The following ABCA7 variants were observed in gnomAD, a reference collection of about 807,000 sequenced individuals.
ABCA7 encodes phospholipid-transporting ATPase ABCA7.
In ABCA7, 261 loss-of-function variants were observed where a neutral mutation model predicts 227.6. The ratio of observed to expected loss-of-function variants is 1.15; its 90% confidence interval spans 1.04 to 1.27. The LOEUF is 1.27. Ranked by LOEUF, ABCA7 falls within the 50% of genes most tolerant of loss-of-function variation. The probability of loss-of-function intolerance (pLI) is 0.00; values close to 1 mark genes in which losing one functional copy is unlikely to be tolerated. For synonymous variants in ABCA7, 1,488 were observed against 1,279.7 expected, an observed-to-expected ratio of 1.16 and a Z score of -3.47; for missense variants, 3,331 against 2,924.5, an observed-to-expected ratio of 1.14 and a Z score of -3.21.
Position 1,046,814 on chromosome 19 carries a change from G to A in ABCA7, c.1635G>A (p.Val545=). 1 of 1,538,082 alleles carries A rather than the reference G, an allele frequency of 6.5e-7. No homozygotes were observed. Among genetic ancestry groups the A allele is most frequent in the Non-Finnish European group, 8.7e-7 (1 of 1,146,998 alleles). The change falls in exon 14 of 47, where the codon GTG becomes GTA. Residue 545 remains valine (V), a synonymous_variant. Coordinates refer to ENST00000263094, the MANE Select transcript of ABCA7 (RefSeq NM_019112.4). ...PCYVDDVFLR[V]LSRSLPLFLT... ...GTCCCCACCCCAGGTTCCTGCGTGT[G>A]CTGAGCCGGTCGCTGCCGCTCTTCC...
At chr19:1,048,496 CA>C (rs1234415864) in intron 16 of ABCA7, among the ~76,000 whole-genome samples, 1 of 21,628 alleles carries the variant, frequency 4.6e-5, no homozygotes, top group African/African-American at 1.9e-4. Flanking sequence ...AACTCAGTCT[CA>C]AAAAAAAAAA....
chr19:1,043,426 C>G lies in ABCA7; in HGVS notation c.883C>G (p.Leu295Val). Residue 295 changes from leucine to valine, a missense_variant, in exon 9 of 47, where the codon CTA becomes GTA. Transcript: ENST00000263094. ...CCTGAAGCCTCTGATCCTCGGGAAGCTACTCTTTGCACCAGATACACCTTT... is the reference window on the plus strand; with the variant it reads ...CCTGAAGCCTCTGATCCTCGGGAAGGTACTCTTTGCACCAGATACACCTTT... Reference protein sequence around the residue: ...RRLKPLILGKLLFAPDTPFTR... With the variant: ...RRLKPLILGKVLFAPDTPFTR... The G allele has an allele frequency of 6.2e-7, 1 of 1,613,438 alleles. No individual in the cohort carries two copies. The highest frequency in any genetic ancestry group is 8.5e-7 in the Non-Finnish European group (1 of 1,180,018).
intron 18 of ABCA7, 91 bp from the exon 19 acceptor site, chr19:1,050,830 A>C: frequency 5.2e-6 from 5 of 967,930 alleles, no homozygotes; most frequent in Non-Finnish European, 6.8e-6. Context: ...AATAATTAAA[A>C]ATTTTTTAAA....
intron 18 of ABCA7, among the ~76,000 whole-genome samples, chr19:1,050,614 C>T (rs901225684): frequency 6.7e-6 from 1 of 149,916 alleles, no homozygotes; most frequent in Non-Finnish European, 1.5e-5. Context: ...CCCGTCTCTA[C>T]TAAAAATGCA....
At chr19:1,050,229 G>T (rs1477237351) in intron 18 of ABCA7, among the ~76,000 whole-genome samples, 1 of 151,372 alleles carries the variant, frequency 6.6e-6, no homozygotes, top group Non-Finnish European at 1.5e-5. Flanking sequence ...TGGCCAATAT[G>T]GCAAAACCAT....
At position 1,063,810 on chromosome 19, in the gene ABCA7, C is replaced by G. The variant is rs759641996; in HGVS notation, c.5898C>G (p.Asn1966Lys). The change falls in exon 44 of 47, where the codon AAC becomes AAG. Residue 1966 changes from asparagine to lysine, a missense_variant. Physicochemically the swap from Asn to Lys is moderately conservative, Grantham distance 94. Transcript: ENST00000263094. ...MDPSARRFLW[N>K]SLLAVVREGR... ...CCAGCGCGCGGCGCTTCCTTTGGAACAGCCTTTTGGCCGTGGTGCGGGAGG... is the reference window on the plus strand; with the variant it reads ...CCAGCGCGCGGCGCTTCCTTTGGAAGAGCCTTTTGGCCGTGGTGCGGGAGG... 38 of 1,545,768 alleles carry G rather than the reference C, an allele frequency of 2.5e-5. No individual in the cohort carries two copies. The highest frequency in any genetic ancestry group is 3.0e-5 in the Non-Finnish European group (34 of 1,145,554).
chr19:1,051,895 A>G (rs1235569932), intron 21 of ABCA7, 47 bp from the exon 22 acceptor site: 2 of 1,593,420 alleles, frequency 1.3e-6, no homozygotes, highest in South Asian at 1.1e-5. Context: ...GCTCGGGCAA[A>G]GACGCGGCGG....
At position 1,058,750 on chromosome 19, in the gene ABCA7, TAGTG is replaced by T; in HGVS notation, c.5279+6_5279+9del. 6.2e-7 allele frequency: 1 copy of T among 1,613,628 alleles called. No individual in the cohort carries two copies. On this transcript the variant is annotated splice_donor_5th_base_variant and intron_variant, in intron 38 of 46. Transcript: ENST00000263094. ...CACCGAAGCCAACTCCTGCCACAGT[TAGTG>T]AGGTCTATGGAGAGGGTGGCAGGGG...
At chr19:1,057,764 A>G in intron 35 of ABCA7, 151 bp from the exon 36 acceptor site, 1 of 1,133,466 alleles carries the variant, frequency 8.8e-7, no homozygotes, top group Non-Finnish European at 1.2e-6. Flanking sequence ...AGAGAGAAAG[A>G]GAAAGAGAGA....
In ABCA7 at chr19:1,054,560, G is replaced by C. The variant is rs1386008924; in HGVS notation, c.3727-10G>C. ...GGATGGAAGCAGCAGCTGATGGGCT[G>C]GTCCCCCAGATCGTGCTGCCTGCCC... is the stretch of plus-strand genomic sequence containing the variant. On this transcript the variant is annotated splice_polypyrimidine_tract_variant and intron_variant, in intron 27 of 46. Coordinates refer to ENST00000263094, the MANE Select transcript of ABCA7 (RefSeq NM_019112.4). The surrounding 1 kb of genome is among the most constrained non-coding windows in gnomAD (Gnocchi z 4.8). The C allele has an allele frequency of 1.9e-6, 3 of 1,606,630 alleles. No individual in the cohort carries two copies. Among genetic ancestry groups the C allele is most frequent in the East Asian group, 2.2e-5 (1 of 44,682 alleles).
chr19:1,053,018 C>T (rs1013710669), intron 23 of ABCA7, among the ~76,000 whole-genome samples: 2 of 152,112 alleles, frequency 1.3e-5, no homozygotes, highest in Non-Finnish European at 2.9e-5. Flanking sequence ...CTCAGCCTCT[C>T]GAGTAACTGG....
At chr19:1,064,772 G>A (rs1011265787) in intron 45 of ABCA7, 159 bp from the exon 46 acceptor site, 2 of 1,235,728 alleles carry the variant, frequency 1.6e-6, no homozygotes, top group South Asian at 1.7e-5. Context: ...TCTCAGCTAC[G>A]CGGGCGGGGG....
At position 1,045,188 on chromosome 19, in the gene ABCA7, A is replaced by G. The variant is rs1229832871; in HGVS notation, c.1402A>G (p.Met468Val). ...GPGHVRIKIRMDIDVVTRTNK... is the reference protein window; with the variant it reads ...GPGHVRIKIRVDIDVVTRTNK... ...CGGCCACGTGCGCATCAAAATCCGC[A>G]TGGACATTGACGTGGTCACGAGGAC... Residue 468 changes from methionine (M) to valine (V), a missense_variant, in exon 12 of 47, where the codon ATG becomes GTG. Coordinates refer to ENST00000263094, the MANE Select transcript of ABCA7 (RefSeq NM_019112.4). 4.7e-6 allele frequency: 7 copies of G among 1,497,672 alleles called. No homozygotes were observed. Among genetic ancestry groups the G allele is most frequent in the Admixed American group, 1.8e-5 (1 of 56,092 alleles). The allele number at this position is 1,497,672 out of a possible 1,614,324, so 92.8% of individuals were successfully genotyped here. A position where few individuals can be genotyped will look rare whatever the true frequency, so the allele number is the denominator to read the frequency against.
chr19:1,046,454 C>G, intron 13 of ABCA7, 48 bp downstream of exon 13: 2 of 1,513,106 alleles, frequency 1.3e-6, no homozygotes, highest in South Asian at 2.6e-5. Context: ...GGGAAGGTCC[C>G]GGGTGTGGGG....
At chr19:1,043,884 A>C (rs745384559) in intron 10 of ABCA7, 43 bp downstream of exon 10, 1 of 1,554,510 alleles carries the variant, frequency 6.4e-7, no homozygotes, top group Admixed American at 1.7e-5. Context: ...CTCCCCGGTG[A>C]GGAGGGTAGA....
chr19:1,042,892 G>A (rs1486713908), intron 7 of ABCA7, 66 bp downstream of exon 7: 7 of 1,520,506 alleles, frequency 4.6e-6, no homozygotes, highest in East Asian at 2.3e-5. Context: ...GCGCCGGGAG[G>A]GTCTGGGGCA....
chr19:1,057,496 T>C (rs940795790), intron 35 of ABCA7, 67 bp downstream of exon 35: 25 of 1,430,064 alleles, frequency 1.7e-5, no homozygotes, highest in Non-Finnish European at 2.5e-5. Context: ...TTAATGCTGC[T>C]GAGATAGAAC....
chr19:1,060,207 A>ATATATATT, intron 40 of ABCA7, among the ~76,000 whole-genome samples: 3 of 96,768 alleles, frequency 3.1e-5, no homozygotes, highest in African/African-American at 1.0e-4. Context: ...ATATATATAT[A>ATATATATT]TTTTTTTTTC....
intron 25 of ABCA7, 22 bp downstream of exon 25, chr19:1,053,858 C>T (rs373568571): frequency 5.0e-6 from 8 of 1,605,304 alleles, no homozygotes; most frequent in Non-Finnish European, 6.8e-6. Flanking sequence ...GCTCCCTGAC[C>T]CCTGACCCCA....
Sources: allele counts gnomAD v4.1 joint callset (sites outside exome capture counted in the v4.1 genomes callset), GRCh38; gene constraint gnomAD v4.1.1; non-coding constraint Gnocchi (gnomAD v3.1); transcripts MANE v1.5; gene names NCBI Gene and HGNC (gene_info 2026-07-23, HGNC 2026-07-21).